TMEM181: variants seen among roughly 807,000 people sequenced by gnomAD.
The protein encoded by TMEM181 is transmembrane protein 181.
In TMEM181, 39 loss-of-function variants were observed where a neutral mutation model predicts 71.9. The observed-to-expected ratio is 0.54, with a 90% CI of 0.42 to 0.71. The LOEUF (loss-of-function observed/expected upper bound fraction) is 0.71, where lower values mean the gene tolerates loss of function less well. Among genes scored for constraint, TMEM181 ranks in the 30% least tolerant of loss-of-function variants. TMEM181 has a pLI of 0.00. For missense variants in TMEM181, 595 were observed against 583.0 expected (o/e 1.02, Z -0.21); for synonymous variants, 245 against 228.8 (o/e 1.07, Z -0.64).
upstream of TMEM181, among the ~76,000 whole-genome samples, chr6:158,557,504 A>AGTT (rs1781938462): frequency 1.4e-5 from 2 of 140,128 alleles, no homozygotes; most frequent in Non-Finnish European, 3.1e-5. Context: ...TCACAGCTGT[A>AGTT]ATTATTTATT....
chr6:158,608,752 T>C lies in TMEM181; in HGVS notation c.896+2T>C. ...TGTTACGCTAGGAATATGGCAAACG[T>C]GAGTAATTCTATTATGTGTGAAACT... On this transcript the variant is annotated splice_donor_variant, in intron 10 of 16. Transcript: ENST00000684151. LOFTEE classifies it high-confidence loss of function. 6.2e-7 allele frequency: 1 copy of C among 1,609,490 alleles called. No homozygotes were observed. Among genetic ancestry groups the C allele is most frequent in the Non-Finnish European group, 8.5e-7 (1 of 1,178,666 alleles).
At chr6:158,584,235 A>G (rs1451236722) in intron 4 of TMEM181, among the ~76,000 whole-genome samples, 191 bp downstream of exon 4, 1 of 152,250 alleles carries the variant, frequency 6.6e-6, no homozygotes, top group East Asian at 1.9e-4. Flanking sequence ...GTTGCGATAG[A>G]TAGACGTCCT....
rs748612460 is a variant in TMEM181 at position 158,631,307 on chromosome 6, T to C, written c.1283-16T>C. On this transcript the variant is annotated splice_polypyrimidine_tract_variant and intron_variant, in intron 15 of 16. Transcript: ENST00000684151. ...CGTCAATTGCTTGAGATGCAAATGC[T>C]CTTGTTGGTTTTCAGAGTCCCAGCT... The C allele has an allele frequency of 1.9e-6, 3 of 1,614,042 alleles. No homozygotes were observed. Among genetic ancestry groups the C allele is most frequent in the East Asian group, 2.2e-5 (1 of 44,872 alleles).
chr6:158,614,488 A>ATT (rs1785501748), intron 10 of TMEM181, among the ~76,000 whole-genome samples: 2 of 152,040 alleles, frequency 1.3e-5, no homozygotes, highest in African/African-American at 4.8e-5. Flanking sequence ...ATTTAAAAAA[A>ATT]ATTTTTTTTT....
intron 10 of TMEM181, among the ~76,000 whole-genome samples, chr6:158,613,440 C>G (rs1454830844): frequency 6.6e-6 from 1 of 152,152 alleles, no homozygotes; most frequent in Non-Finnish European, 1.5e-5. Context: ...TTTCCAAAGC[C>G]AAACCCAGCC....
At chr6:158,591,389 C>T (rs912126235) in intron 6 of TMEM181, among the ~76,000 whole-genome samples, 2 of 152,132 alleles carry the variant, frequency 1.3e-5, no homozygotes, top group African/African-American at 2.4e-5. Context: ...CCGGCTCTCT[C>T]GGGAGCCACG....
chr6:158,617,036 T>C (rs1186936708), intron 10 of TMEM181, among the ~76,000 whole-genome samples: 1 of 152,204 alleles, frequency 6.6e-6, no homozygotes, highest in Admixed American at 6.5e-5. Flanking sequence ...TTCTATTGAT[T>C]GGAATAGTTT....
chr6:158,580,550 G>A (rs1161992441), intron 2 of TMEM181, among the ~76,000 whole-genome samples: 1 of 152,206 alleles, frequency 6.6e-6, no homozygotes, highest in Non-Finnish European at 1.5e-5. Context: ...GAGCAGATAA[G>A]TGTGTCTTAG....
At chr6:158,594,701 C>G (rs1028416642) in intron 6 of TMEM181, among the ~76,000 whole-genome samples, 8 of 151,974 alleles carry the variant, frequency 5.3e-5, no homozygotes, top group Non-Finnish European at 1.2e-4. Flanking sequence ...TGTTGTTGTT[C>G]TTTTGAAATG....
chr6:158,629,894 C>G, intron 15 of TMEM181, 75 bp downstream of exon 15: 1 of 1,246,004 alleles, frequency 8.0e-7, no homozygotes. Flanking sequence ...GACCCACTTC[C>G]CGGGTTTCCC....
intron 5 of TMEM181, among the ~76,000 whole-genome samples, chr6:158,587,538 C>T (rs1264378203): frequency 6.6e-6 from 1 of 151,808 alleles, no homozygotes; most frequent in Non-Finnish European, 1.5e-5. Flanking sequence ...CTATGTTGCC[C>T]AGGCTGGCTT....
At chr6:158,614,637 T>TC (rs1785512465) in intron 10 of TMEM181, among the ~76,000 whole-genome samples, 1 of 151,880 alleles carries the variant, frequency 6.6e-6, no homozygotes, top group Non-Finnish European at 1.5e-5. Flanking sequence ...CCCTCCAACC[T>TC]CCCCCCACCC....
chr6:158,558,642 A>G (rs1258245364), upstream of TMEM181, among the ~76,000 whole-genome samples: 1 of 152,200 alleles, frequency 6.6e-6, no homozygotes, highest in Non-Finnish European at 1.5e-5. Flanking sequence ...GTTTGTTACA[A>G]AAGCATCCTC....
At chr6:158,587,894 C>T (rs1170648992) in intron 5 of TMEM181, among the ~76,000 whole-genome samples, 2 of 152,168 alleles carry the variant, frequency 1.3e-5, no homozygotes, top group Non-Finnish European at 2.9e-5. Flanking sequence ...TTCTTAAACT[C>T]GCAAGAGATG....
intron 6 of TMEM181, among the ~76,000 whole-genome samples, chr6:158,599,835 G>C (rs1195275401): frequency 6.6e-6 from 1 of 152,272 alleles, no homozygotes; most frequent in African/African-American, 2.4e-5. Flanking sequence ...TGGCACAAAC[G>C]CATGTCAGAT....
chr6:158,562,062 C>T (rs1782210359), intron 1 of TMEM181, among the ~76,000 whole-genome samples: 1 of 152,100 alleles, frequency 6.6e-6, no homozygotes, highest in Admixed American at 6.5e-5. Context: ...AACAGAGCCG[C>T]TTGGAGGAGC....
chr6:158,569,511 C>T (rs1423814875), intron 1 of TMEM181, among the ~76,000 whole-genome samples: 3 of 151,958 alleles, frequency 2.0e-5, no homozygotes, highest in Admixed American at 1.3e-4. Flanking sequence ...TAGAAGTTTT[C>T]GGGAAGGGGA....
upstream of TMEM181, among the ~76,000 whole-genome samples, chr6:158,557,247 A>G (rs539249050): frequency 9.0e-4 from 137 of 152,170 alleles, no homozygotes; most frequent in South Asian, 0.023. Context: ...GTTAGTGCAC[A>G]CCTGTAGTCT....
chr6:158,603,078 G>A (rs1784757825), intron 6 of TMEM181, among the ~76,000 whole-genome samples: 1 of 152,030 alleles, frequency 6.6e-6, no homozygotes, highest in African/African-American at 2.4e-5. Context: ...TGGCCATTGA[G>A]CTTCTTGGAT....
Sources: allele counts gnomAD v4.1 joint callset (sites outside exome capture counted in the v4.1 genomes callset), GRCh38; gene constraint gnomAD v4.1.1; transcripts MANE v1.5; gene names NCBI Gene and HGNC (gene_info 2026-07-23, HGNC 2026-07-21).